Variants in D2HGDH observed in about 807,000 individuals in gnomAD.
D2HGDH encodes the protein D-2-hydroxyglutarate dehydrogenase, mitochondrial.
D2HGDH carries 31 observed loss-of-function variants against 46.9 expected under a neutral mutation model. That is an observed-to-expected ratio of 0.66 (90% CI 0.50 to 0.89). The LOEUF is 0.89. D2HGDH is among the 40% of genes least tolerant of loss of function. The pLI, the probability that D2HGDH is intolerant of heterozygous loss-of-function variation, is 0.00. For synonymous variants in D2HGDH, 364 were observed against 332.6 expected (o/e 1.09, Z -1.03); for missense variants, 698 against 720.8 (o/e 0.97, Z 0.36).
intron 6 of D2HGDH, among the ~76,000 whole-genome samples, chr2:241,748,295 A>G (rs1001905237): frequency 6.6e-6 from 1 of 151,826 alleles, no homozygotes; most frequent in Non-Finnish European, 1.5e-5. Context: ...TAATTTTTGT[A>G]TTTTTAGTAG....
intron 2 of D2HGDH, among the ~76,000 whole-genome samples, 193 bp downstream of exon 2, chr2:241,735,709 TTTGTTGTTG>T (rs371464681): frequency 1.3e-5 from 2 of 152,202 alleles, no homozygotes; most frequent in African/African-American, 4.8e-5. Context: ...CAACCCAAGT[TTTGTTGTTG>T]TTGTTGTTTT....
rs1282042722 is a variant in D2HGDH at position 241,742,529 on chromosome 2, T to C, written c.445T>C (p.Ser149Pro). Residue 149 changes from serine to proline, a missense_variant, in exon 4 of 10, where the codon TCC becomes CCC. Coordinates refer to ENST00000321264, the MANE Select transcript of D2HGDH (RefSeq NM_152783.5). The surrounding 1 kb of genome is among the most constrained non-coding windows in gnomAD (Gnocchi z 4.8). ...CCCCGTCTTTGACGAGATCATCCTC[T>C]CCACTGCCCGCATGAACCGGGTCCT... is the stretch of plus-strand genomic sequence containing the variant. Reference protein sequence around the residue: ...SVPVFDEIILSTARMNRVLSF... With the variant: ...SVPVFDEIILPTARMNRVLSF... 7 of 1,613,946 alleles carry C rather than the reference T, an allele frequency of 4.3e-6. No individual in the cohort carries two copies. The highest frequency in any genetic ancestry group is 5.9e-6 in the Non-Finnish European group (7 of 1,180,004).
chr2:241,740,648 T>C (rs1694186755), intron 2 of D2HGDH, among the ~76,000 whole-genome samples: 1 of 152,164 alleles, frequency 6.6e-6, no homozygotes, highest in Non-Finnish European at 1.5e-5. Flanking sequence ...GCTTCCCAAA[T>C]AAGATCACTC....
At chr2:241,754,176 G>C (rs972031231) in intron 8 of D2HGDH, among the ~76,000 whole-genome samples, 1 of 152,210 alleles carries the variant, frequency 6.6e-6, no homozygotes, top group Non-Finnish European at 1.5e-5. Flanking sequence ...TGGGGCGGCC[G>C]GTCTGATGAG....
At chr2:241,758,063 G>A (rs947732135) in intron 9 of D2HGDH, among the ~76,000 whole-genome samples, 6 of 152,178 alleles carry the variant, frequency 3.9e-5, no homozygotes, top group Non-Finnish European at 8.8e-5. Context: ...AGTGTGGTAA[G>A]TTACACTGAT....
rs1043255042 is a variant in D2HGDH, at chr2:241,735,631, G to T, written c.292+115G>T. On this transcript the variant is annotated intron_variant, in intron 2 of 9. Coordinates refer to ENST00000321264, the MANE Select transcript of D2HGDH (RefSeq NM_152783.5). ...TGGATGGGGGTGCCAGCCCCTGGCT[G>T]CGCTGAGAGGGGCGTGTGCACCGCC... 3.3e-5 allele frequency: 47 copies of T among 1,419,184 alleles called. No individual in the cohort carries two copies. The Admixed American group carries it at 7.1e-4, about 21-fold the overall frequency. The allele number at this position is 1,419,184 out of a possible 1,614,324, so 87.9% of individuals were successfully genotyped here. A position where few individuals can be genotyped will look rare whatever the true frequency, so the allele number is the denominator to read the frequency against.
At chr2:241,767,571 G>A in intron 9 of D2HGDH, 139 bp from the exon 10 acceptor site, 13 of 1,244,232 alleles carry the variant, frequency 1.0e-5, no homozygotes, top group South Asian at 1.4e-5. Context: ...GCACGTCCAG[G>A]GCGAGTGGCA....
chr2:241,767,623 G>A, intron 9 of D2HGDH, 87 bp from the exon 10 acceptor site: 2 of 1,589,634 alleles, frequency 1.3e-6, no homozygotes, highest in African/African-American at 1.3e-5. Context: ...TTGCTGGGGA[G>A]GGGATCTTGG....
At chr2:241,734,950 C>T (rs1027781673) in intron 1 of D2HGDH, 183 bp from the exon 2 acceptor site, 17 of 408,620 alleles carry the variant, frequency 4.2e-5, no homozygotes, top group African/African-American at 3.3e-4. Context: ...GCCTGCGCGT[C>T]GCTAAGTCCA....
chr2:241,761,545 G>A (rs71430385), intron 9 of D2HGDH, among the ~76,000 whole-genome samples: 91,180 of 151,956 alleles, frequency 0.6, 29,383 homozygotes, highest in African/African-American at 0.86. Context: ...TCTCAAGAAA[G>A]AAAAGTATAC....
rs144413412 is a variant in D2HGDH, at chr2:241,743,952, G to A, written c.684+137G>A. 4,899 of 947,404 alleles carry A rather than the reference G, an allele frequency of 5.2e-3. 27 individuals carry two copies. Among genetic ancestry groups the A allele is most frequent in the Non-Finnish European group, 6.8e-3 (4,291 of 632,148 alleles). The allele number at this position is 947,404 out of a possible 1,614,324, so 58.7% of individuals were successfully genotyped here. ...TGGTTCCTGGCCCTGGGCCCCTCAA[G>A]GATGTGTGGGCTACATACACCCCCA... On this transcript the variant is annotated intron_variant, in intron 5 of 9. Coordinates refer to ENST00000321264, the MANE Select transcript of D2HGDH (RefSeq NM_152783.5). The surrounding 1 kb of genome is among the most constrained non-coding windows in gnomAD (Gnocchi z 4.8).
Position 241,767,771 on chromosome 2 carries a change from C to T in D2HGDH, c.1368C>T (p.Ala456=). The T allele has an allele frequency of 6.2e-7, 1 of 1,612,566 alleles. No individual in the cohort carries two copies. Among genetic ancestry groups the T allele is most frequent in the South Asian group, 1.1e-5 (1 of 91,074 alleles). Residue 456 remains alanine (A), a synonymous_variant, in exon 10 of 10, where the codon GCC becomes GCT. Transcript: ENST00000321264. The stretch of plus-strand genomic sequence containing the variant: ...CCTTCAGCCCCTCGCTCCTGGCTGC[C>T]CTGGAGCCCCACGTGTACGAGTGGA... The part of the protein sequence containing the change: ...AEAFSPSLLA[A]LEPHVYEWTA...
rs1485979720 is a variant in D2HGDH at position 241,742,286 on chromosome 2, C to T, written c.351-149C>T. ...GTCCTTCCTCAGAATCCCTCACATG[C>T]GTGGGCTGGGGAGGAGCCCCCGCTG... On this transcript the variant is annotated intron_variant, in intron 3 of 9. Coordinates refer to ENST00000321264, the MANE Select transcript of D2HGDH (RefSeq NM_152783.5). This position sits in a 1 kb window ranked among gnomAD's most constrained non-coding sequence, Gnocchi z 4.8. 1.3e-5 allele frequency: 14 copies of T among 1,052,284 alleles called. No individual in the cohort carries two copies. Among genetic ancestry groups the T allele is most frequent in the South Asian group, 3.3e-5 (2 of 60,964 alleles). The allele number at this position is 1,052,284 out of a possible 1,614,324, so 65.2% of individuals were successfully genotyped here.
intron 9 of D2HGDH, among the ~76,000 whole-genome samples, chr2:241,764,211 ACTGTGGGAGGGGTCC>A (rs1699080373): frequency 6.6e-6 from 1 of 151,520 alleles, no homozygotes; most frequent in Non-Finnish European, 1.5e-5. Flanking sequence ...GGCGACGGGG[ACTGTGGGAGGGGTCC>A]CTGCTGTACT....
rs144467901 is a variant in D2HGDH at position 241,744,379 on chromosome 2, C to T, written c.685-330C>T. ...TGCACTCATGAGCTGTGTAGGCCTCCGACTCACAGTACCAGCACACAGGAC... is the reference window on the plus strand; with the variant it reads ...TGCACTCATGAGCTGTGTAGGCCTCTGACTCACAGTACCAGCACACAGGAC... On this transcript the variant is annotated intron_variant, in intron 5 of 9. Transcript: ENST00000321264. Among the ~76,000 whole-genome samples the T allele has an allele frequency of 1.9e-3, 283 of 152,340 alleles. 2 individuals carry two copies. The highest frequency in any genetic ancestry group is 6.5e-3 in the African/African-American group (272 of 41,578).
chr2:241,755,428 C>A, intron 8 of D2HGDH: 2 of 1,308,800 alleles, frequency 1.5e-6, no homozygotes, highest in Non-Finnish European at 2.0e-6. Context: ...ATCCTCAGGG[C>A]CTTCCCTGGC....
rs1187270196 is a variant in D2HGDH, at chr2:241,755,516, T to C, written c.1141-333T>C. On this transcript the variant is annotated intron_variant, in intron 8 of 9. Coordinates refer to ENST00000321264, the MANE Select transcript of D2HGDH (RefSeq NM_152783.5). ...CCTTCCGTCATGGCTGTCCCCCTTC[T>C]GTGAGGTGTCCCAGCCGCCTGATTG... The C allele has an allele frequency of 4.7e-5, 64 of 1,361,198 alleles. 1 individual carries two copies. In the Admixed American group the frequency reaches 1.4e-3, roughly 29 times the overall value. 84.3% of individuals were successfully genotyped at this position (1,361,198 alleles called of 1,614,324 possible). A position where few individuals can be genotyped will look rare whatever the true frequency, so the allele number is the denominator to read the frequency against.
At chr2:241,753,694 C>T (rs187836589) in intron 8 of D2HGDH, among the ~76,000 whole-genome samples, 1 of 152,388 alleles carries the variant, frequency 6.6e-6, no homozygotes, top group East Asian at 1.9e-4. Flanking sequence ...CACCAGATGC[C>T]CCGGGCTCCT....
intron 6 of D2HGDH, among the ~76,000 whole-genome samples, chr2:241,746,324 C>T (rs1246963185): frequency 1.3e-5 from 2 of 152,128 alleles, no homozygotes; most frequent in African/African-American, 4.8e-5. Flanking sequence ...TGCTGCTGAA[C>T]CCCTCCATGA....
Sources: gnomAD v4.1 joint callset for allele counts (sites outside exome capture counted in the v4.1 genomes callset) on GRCh38, gnomAD v4.1.1 for gene constraint, Gnocchi (gnomAD v3.1) non-coding constraint, MANE v1.5 for transcripts, NCBI Gene and HGNC (gene_info 2026-07-23, HGNC 2026-07-21) for gene names.